Variants in CACNB2 observed in about 807,000 individuals in gnomAD.
The protein encoded by CACNB2 is calcium voltage-gated channel auxiliary subunit beta 2.
In CACNB2, 42 loss-of-function variants were observed where a neutral mutation model predicts 73.3. The observed-to-expected ratio is 0.57, with a 90% CI of 0.45 to 0.74. The LOEUF (loss-of-function observed/expected upper bound fraction) is 0.74. Among genes scored for constraint, CACNB2 ranks in the 30% least tolerant of loss-of-function variants. The pLI is 0.00. For missense variants in CACNB2, 940 were observed against 853.0 expected (o/e 1.10, Z -1.27); for synonymous variants, 348 against 310.3 (o/e 1.12, Z -1.28).
chr10:18,202,609 A>T (rs1360411093), intron 2 of CACNB2, among the ~76,000 whole-genome samples: 3 of 152,202 alleles, frequency 2.0e-5, no homozygotes, highest in Admixed American at 2.0e-4. Flanking sequence ...TAGTTTAAGG[A>T]TTTAGTATAG....
intron 2 of CACNB2, chr10:18,151,222 T>A: frequency 2.4e-6 from 1 of 423,966 alleles, no homozygotes. Context: ...GAGGATTTCT[T>A]TGAAACAGTG....
At position 18,536,140 on chromosome 10, in the gene CACNB2, G is replaced by A. The variant is rs751230324; in HGVS notation, c.1246G>A (p.Ala416Thr). 3 of 1,601,722 alleles carry A rather than the reference G, an allele frequency of 1.9e-6. No individual in the cohort carries two copies. Among genetic ancestry groups the A allele is most frequent in the Admixed American group, 1.7e-5 (1 of 59,216 alleles). Residue 416 changes from alanine (A) to threonine (T), a missense_variant, in exon 12 of 14, where the codon GCT becomes ACT. Transcript: ENST00000324631. ...AATAAAATCTCGAGGGAAATCTCAA[G>A]CTAAACACCTCAACGTCCAGATGGT... ...RLIKSRGKSQ[A>T]KHLNVQMVAA...
chr10:18,532,676 CAAAA>C (rs1219587375), intron 10 of CACNB2, among the ~76,000 whole-genome samples: 4 of 92,574 alleles, frequency 4.3e-5, no homozygotes, highest in African/African-American at 1.7e-4. Flanking sequence ...GACTCTGTCT[CAAAA>C]AAAAAAAAAA....
At chr10:18,277,395 C>G (rs1554782408) in intron 2 of CACNB2, among the ~76,000 whole-genome samples, 1 of 152,214 alleles carries the variant, frequency 6.6e-6, no homozygotes, top group Non-Finnish European at 1.5e-5. Flanking sequence ...TGAGTTGCCA[C>G]AAGTGTATAT....
chr10:18,407,085 T>C (rs958737953), intron 3 of CACNB2, among the ~76,000 whole-genome samples: 3 of 146,260 alleles, frequency 2.1e-5, no homozygotes, highest in Admixed American at 7.0e-5. Flanking sequence ...CATGGTCTTC[T>C]AAAGTCCAGA....
chr10:18,441,145 C>A (rs975623622), intron 3 of CACNB2, among the ~76,000 whole-genome samples: 27 of 152,192 alleles, frequency 1.8e-4, no homozygotes, highest in Non-Finnish European at 3.8e-4. Context: ...TGGCTCACGC[C>A]TGTAATCCCA....
At chr10:18,353,470 C>A (rs1457895090) in intron 2 of CACNB2, among the ~76,000 whole-genome samples, 1 of 151,870 alleles carries the variant, frequency 6.6e-6, no homozygotes, top group Admixed American at 6.6e-5. Flanking sequence ...TTGGAAAAGT[C>A]TTAGTTAAGG....
chr10:18,383,254 G>T (rs1243066786), intron 2 of CACNB2, among the ~76,000 whole-genome samples: 1 of 152,230 alleles, frequency 6.6e-6, no homozygotes, highest in Non-Finnish European at 1.5e-5. Context: ...CAGGTAAGGA[G>T]CATGGATTTT....
At chr10:18,204,336 A>G (rs144355756) in intron 2 of CACNB2, among the ~76,000 whole-genome samples, 88 of 152,378 alleles carry the variant, frequency 5.8e-4, no homozygotes, top group African/African-American at 6.5e-4. Context: ...AACAAAGTCT[A>G]GCATGAAATG....
intron 2 of CACNB2, among the ~76,000 whole-genome samples, chr10:18,383,779 C>T (rs1354948977): frequency 5.3e-5 from 8 of 152,084 alleles, no homozygotes. Context: ...AATCTCGACT[C>T]GGTACAACCT....
intron 3 of CACNB2, among the ~76,000 whole-genome samples, chr10:18,457,495 TC>T (rs2047343845): frequency 1.3e-5 from 2 of 152,218 alleles, no homozygotes; most frequent in African/African-American, 4.8e-5. Context: ...TAGCAATGCC[TC>T]CTTTTAAGAT....
chr10:18,278,444 C>T (rs1377952206), intron 2 of CACNB2, among the ~76,000 whole-genome samples: 1 of 151,970 alleles, frequency 6.6e-6, no homozygotes, highest in African/African-American at 2.4e-5. Context: ...TGAATGGAGA[C>T]TGTCAGGAAG....
chr10:18,223,557 C>T (rs1158087681), intron 2 of CACNB2, among the ~76,000 whole-genome samples: 3 of 151,982 alleles, frequency 2.0e-5, no homozygotes, highest in Admixed American at 6.6e-5. Flanking sequence ...TGCAGAAAAG[C>T]ACATAAAACA....
chr10:18,309,231 C>T (rs921111707), intron 2 of CACNB2, among the ~76,000 whole-genome samples: 1 of 151,846 alleles, frequency 6.6e-6, no homozygotes, highest in African/African-American at 2.4e-5. Context: ...GTATTTATGA[C>T]GGGAGAAAGA....
At chr10:18,180,589 G>C (rs1356497218) in intron 2 of CACNB2, among the ~76,000 whole-genome samples, 1 of 152,088 alleles carries the variant, frequency 6.6e-6, no homozygotes, top group Non-Finnish European at 1.5e-5. Context: ...TCATGGGGCA[G>C]TTACGAGGAT....
chr10:18,168,496 T>TG (rs2033016693), intron 2 of CACNB2, among the ~76,000 whole-genome samples: 1 of 135,572 alleles, frequency 7.4e-6, no homozygotes, highest in African/African-American at 2.9e-5. Flanking sequence ...TTCTTCCTTC[T>TG]TTGTGTGTGT....
intron 7 of CACNB2, among the ~76,000 whole-genome samples, chr10:18,515,671 C>T (rs1470566862): frequency 6.6e-6 from 1 of 152,212 alleles, no homozygotes; most frequent in Non-Finnish European, 1.5e-5. Context: ...ATAGCCTCAG[C>T]TTGATGTTCA....
At chr10:18,325,895 C>T (rs1356279898) in intron 2 of CACNB2, among the ~76,000 whole-genome samples, 1 of 152,000 alleles carries the variant, frequency 6.6e-6, no homozygotes, top group Non-Finnish European at 1.5e-5. Flanking sequence ...GAGGCGCACA[C>T]CACCATGCTC....
At chr10:18,477,378 TG>T (rs373587809) in intron 3 of CACNB2, among the ~76,000 whole-genome samples, 2 of 152,172 alleles carry the variant, frequency 1.3e-5, no homozygotes, top group African/African-American at 4.8e-5. Flanking sequence ...CCTAAACTCT[TG>T]GGAATGCAGC....
Sources: allele counts gnomAD v4.1 joint callset (sites outside exome capture counted in the v4.1 genomes callset), GRCh38; gene constraint gnomAD v4.1.1; transcripts MANE v1.5; gene names NCBI Gene and HGNC (gene_info 2026-07-23, HGNC 2026-07-21).